Variants in PDE1A observed in about 807,000 individuals in gnomAD.
PDE1A encodes the protein phosphodiesterase 1A.
PDE1A carries 35 observed loss-of-function variants against 61.7 expected under a neutral mutation model. The ratio of observed to expected loss-of-function variants is 0.57; its 90% CI spans 0.43 to 0.75. The LOEUF is 0.75. Among genes scored for constraint, PDE1A ranks in the 30% least tolerant of loss-of-function variants. PDE1A has a pLI of 0.00. For synonymous variants in PDE1A, 232 were observed against 213.2 expected (o/e 1.09, Z -0.77); for missense variants, 597 against 630.6 (o/e 0.95, Z 0.57).
chr2:182,671,480 A>G, the PDE1A span, among the ~76,000 whole-genome samples: 96,113 of 150,048 alleles, frequency 0.64, 31,191 homozygotes, highest in Middle Eastern at 0.78. Context: ...GAGCCACCAC[A>G]CCCGGCCTGG....
the PDE1A span, among the ~76,000 whole-genome samples, chr2:182,565,721 A>G: frequency 1.3e-5 from 2 of 152,178 alleles, no homozygotes; most frequent in East Asian, 1.9e-4. Context: ...GCTATTTATT[A>G]GAGTCAAGAT....
chr2:182,688,218 C>A, the PDE1A span, among the ~76,000 whole-genome samples: 1 of 152,166 alleles, frequency 6.6e-6, no homozygotes, highest in Non-Finnish European at 1.5e-5. Flanking sequence ...CTCCAAGACA[C>A]AAAATTGTCA....
the PDE1A span, among the ~76,000 whole-genome samples, chr2:182,690,545 TATGTATGACAAACCCACAGCC>T: frequency 1.3e-5 from 2 of 152,234 alleles, no homozygotes; most frequent in East Asian, 3.9e-4. Context: ...TAATAAGAGC[TATGTATGACAAACCCACAGCC>T]AATATCATAC....
chr2:182,284,902 A>G (rs1275406648), intron 1 of PDE1A, among the ~76,000 whole-genome samples: 1 of 152,156 alleles, frequency 6.6e-6, no homozygotes, highest in East Asian at 1.9e-4. Flanking sequence ...ATGATGAGGA[A>G]TCTGAGACAC....
intron 2 of PDE1A, among the ~76,000 whole-genome samples, chr2:182,461,445 A>G (rs1686281478): frequency 6.6e-6 from 1 of 151,952 alleles, no homozygotes; most frequent in African/African-American, 2.4e-5. Context: ...ATTCACTTTG[A>G]CTCTCCCATC....
At chr2:182,159,299 T>C (rs1559123157) in intron 13 of PDE1A, among the ~76,000 whole-genome samples, 2 of 152,194 alleles carry the variant, frequency 1.3e-5, no homozygotes, top group Non-Finnish European at 2.9e-5. Context: ...ATAAAGATGG[T>C]CCATTTATAA....
intron 2 of PDE1A, chr2:182,241,652 A>G: frequency 2.0e-6 from 1 of 491,266 alleles, no homozygotes; most frequent in East Asian, 3.4e-5. Flanking sequence ...ATTTGCCAAT[A>G]TTTATTTTCC....
At chr2:182,192,978 T>G (rs1392539909) in intron 10 of PDE1A, among the ~76,000 whole-genome samples, 1 of 152,060 alleles carries the variant, frequency 6.6e-6, no homozygotes, top group Non-Finnish European at 1.5e-5. Context: ...TCTATAGTTT[T>G]GCTTTGTTTT....
intron 4 of PDE1A, among the ~76,000 whole-genome samples, chr2:182,231,813 G>A (rs970617715): frequency 6.6e-5 from 10 of 152,036 alleles, no homozygotes; most frequent in Non-Finnish European, 1.5e-4. Context: ...TAATCAGGAG[G>A]CTGAGGCAGG....
the PDE1A span, among the ~76,000 whole-genome samples, chr2:182,529,248 G>A: frequency 6.6e-6 from 1 of 152,204 alleles, no homozygotes; most frequent in Non-Finnish European, 1.5e-5. Flanking sequence ...CCTACCTTTT[G>A]CATCAATATG....
At chr2:182,363,234 A>G (rs1699616872) in intron 1 of PDE1A, among the ~76,000 whole-genome samples, 5 of 152,072 alleles carry the variant, frequency 3.3e-5, no homozygotes, top group Admixed American at 3.3e-4. Flanking sequence ...AATTTTAAGA[A>G]AAGAAAATGT....
intron 13 of PDE1A, among the ~76,000 whole-genome samples, chr2:182,174,309 A>T (rs989961592): frequency 1.3e-5 from 2 of 152,146 alleles, no homozygotes; most frequent in South Asian, 4.1e-4. Context: ...GATGACGTCC[A>T]TGGACGCAGA....
intron 1 of PDE1A, among the ~76,000 whole-genome samples, chr2:182,336,761 G>GTA (rs200610428): frequency 3.9e-4 from 31 of 79,618 alleles, no homozygotes; most frequent in Middle Eastern, 0.02. Flanking sequence ...AGAACTTAAA[G>GTA]TATATATATA....
the PDE1A span, among the ~76,000 whole-genome samples, chr2:182,707,636 T>C: frequency 6.6e-6 from 1 of 152,304 alleles, no homozygotes; most frequent in Non-Finnish European, 1.5e-5. Context: ...ACATACATAA[T>C]TTTTAAGTCA....
chr2:182,349,546 C>A (rs1179684484), intron 1 of PDE1A, among the ~76,000 whole-genome samples: 1 of 152,146 alleles, frequency 6.6e-6, no homozygotes, highest in Non-Finnish European at 1.5e-5. Context: ...TTTCTGTAAA[C>A]CATCAATCTT....
At chr2:182,367,210 T>G (rs1158560887) in intron 1 of PDE1A, among the ~76,000 whole-genome samples, 1 of 152,092 alleles carries the variant, frequency 6.6e-6, no homozygotes, top group East Asian at 1.9e-4. Context: ...AAATGACAGC[T>G]GAGTTTAATA....
chr2:182,622,498 C>T, the PDE1A span, among the ~76,000 whole-genome samples: 39 of 152,258 alleles, frequency 2.6e-4, no homozygotes, highest in African/African-American at 8.9e-4. Flanking sequence ...GCCAAGTAGT[C>T]TTTTGTAAGT....
chr2:182,202,788 C>T (rs952473012), intron 8 of PDE1A, among the ~76,000 whole-genome samples: 1 of 152,210 alleles, frequency 6.6e-6, no homozygotes, highest in Non-Finnish European at 1.5e-5. Context: ...AAGCCTCACA[C>T]TTAGTAGAAA....
chr2:182,271,062 T>C (rs1355422578), intron 1 of PDE1A, among the ~76,000 whole-genome samples: 2 of 151,772 alleles, frequency 1.3e-5, no homozygotes, highest in African/African-American at 4.8e-5. Flanking sequence ...ATTTCTATAA[T>C]TGAACACAAT....
Sources: gnomAD v4.1 joint callset for allele counts (sites outside exome capture counted in the v4.1 genomes callset) on GRCh38, gnomAD v4.1.1 for gene constraint, MANE v1.5 for transcripts, NCBI Gene and HGNC (gene_info 2026-07-23, HGNC 2026-07-21) for gene names.